GRIN3A: variants seen among roughly 807,000 people sequenced by gnomAD.
The protein encoded by GRIN3A is glutamate receptor ionotropic, NMDA 3A.
Under a neutral mutation model 92.4 loss-of-function variants are expected in GRIN3A, and 47 were observed. The observed-to-expected ratio is 0.51, with a 90% CI of 0.40 to 0.65. The LOEUF is 0.65. Ranked by LOEUF, GRIN3A falls within the 30% of genes least tolerant of loss-of-function variation. GRIN3A has a pLI of 0.00. For synonymous variants in GRIN3A, 527 were observed against 540.6 expected (o/e 0.97, Z 0.35); for missense variants, 1,324 against 1,393.1 (o/e 0.95, Z 0.79).
intron 1 of GRIN3A, among the ~76,000 whole-genome samples, chr9:101,720,052 A>G (rs1469855183): frequency 6.6e-6 from 1 of 152,068 alleles, no homozygotes; most frequent in Non-Finnish European, 1.5e-5. Context: ...CCGTTTGGGA[A>G]TTATGAAACC....
intron 1 of GRIN3A, among the ~76,000 whole-genome samples, chr9:101,699,042 A>G (rs1409689114): frequency 6.6e-6 from 1 of 152,354 alleles, no homozygotes; most frequent in East Asian, 1.9e-4. Context: ...CTAATTTTTA[A>G]AAAACCTTTT....
At chr9:101,580,581 C>A (rs1042273659) in intron 6 of GRIN3A, among the ~76,000 whole-genome samples, 4 of 152,054 alleles carry the variant, frequency 2.6e-5, no homozygotes, top group Admixed American at 2.6e-4. Context: ...ACATGGAAAT[C>A]ATCTAGTTCA....
At chr9:101,627,325 T>G (rs1828647078) in intron 4 of GRIN3A, among the ~76,000 whole-genome samples, 1 of 152,176 alleles carries the variant, frequency 6.6e-6, no homozygotes, top group South Asian at 2.1e-4. Flanking sequence ...TCCATAAAAT[T>G]TTTTAAGTGG....
chr9:101,712,170 A>G (rs1829886811), intron 1 of GRIN3A, among the ~76,000 whole-genome samples: 1 of 152,154 alleles, frequency 6.6e-6, no homozygotes, highest in African/African-American at 2.4e-5. Flanking sequence ...CCAACTACCT[A>G]ATTGACAAGT....
At position 101,579,264 on chromosome 9, in the gene GRIN3A, C is replaced by T. The variant is rs1182246600; in HGVS notation, c.2863G>A (p.Val955Ile). 5 of 1,613,992 alleles carry T rather than the reference C, an allele frequency of 3.1e-6. No individual in the cohort carries two copies. The highest frequency in any genetic ancestry group is 2.2e-5 in the East Asian group (1 of 44,882). Residue 955 changes from valine to isoleucine, a missense_variant, in exon 7 of 9, where the codon GTA (valine) becomes ATA (isoleucine). Physicochemically the swap from Val to Ile is conservative, Grantham distance 29. Coordinates refer to ENST00000361820, the MANE Select transcript of GRIN3A (RefSeq NM_133445.3). ...SILTTIGEHI[V>I]YRLLLPRIKN... is the part of the protein sequence containing the mutation. ...ATTCGTGGTAGCAGCAGCCTGTATA[C>T]TATGTGCTCACCAATGGTGGTCAAA...
At chr9:101,611,169 A>G (rs1280933600) in intron 6 of GRIN3A, among the ~76,000 whole-genome samples, 1 of 152,020 alleles carries the variant, frequency 6.6e-6, no homozygotes, top group Non-Finnish European at 1.5e-5. Flanking sequence ...TAGGAGGCCA[A>G]AAGTCTGAAA....
intron 1 of GRIN3A, among the ~76,000 whole-genome samples, chr9:101,708,455 C>T (rs182711293): frequency 1.3e-5 from 2 of 152,204 alleles, no homozygotes; most frequent in African/African-American, 4.8e-5. Flanking sequence ...TGTAGCATTG[C>T]TAAGCCATAG....
intron 2 of GRIN3A, among the ~76,000 whole-genome samples, chr9:101,677,441 A>T (rs1446538277): frequency 6.6e-6 from 1 of 151,838 alleles, no homozygotes; most frequent in Non-Finnish European, 1.5e-5. Flanking sequence ...AGAAATGCCA[A>T]TATTCTGTCT....
chr9:101,619,086 G>A (rs1169155365), intron 5 of GRIN3A, among the ~76,000 whole-genome samples: 1 of 152,030 alleles, frequency 6.6e-6, no homozygotes, highest in East Asian at 1.9e-4. Context: ...TAAGAGTGGT[G>A]GAAATATATT....
intron 1 of GRIN3A, among the ~76,000 whole-genome samples, chr9:101,728,256 TGTCCAAA>T (rs1830101453): frequency 6.6e-6 from 1 of 152,152 alleles, no homozygotes; most frequent in African/African-American, 2.4e-5. Flanking sequence ...TGAGGCCTTC[TGTCCAAA>T]AACACCCATA....
chr9:101,602,139 T>TG (rs1260959106), intron 6 of GRIN3A, among the ~76,000 whole-genome samples: 3 of 152,120 alleles, frequency 2.0e-5, no homozygotes, highest in Admixed American at 6.6e-5. Context: ...GCTCCAGGGC[T>TG]CTCTCATGAT....
At chr9:101,675,071 C>T (rs565721971) in intron 2 of GRIN3A, among the ~76,000 whole-genome samples, 3 of 152,090 alleles carry the variant, frequency 2.0e-5, no homozygotes, top group South Asian at 2.1e-4. Flanking sequence ...TAAGAGACCA[C>T]TTACAATATC....
At chr9:101,626,930 G>C (rs956738599) in intron 4 of GRIN3A, among the ~76,000 whole-genome samples, 2 of 152,218 alleles carry the variant, frequency 1.3e-5, no homozygotes, top group Admixed American at 1.3e-4. Context: ...CAGGGCCAGT[G>C]CTGGGCACGT....
chr9:101,726,102 A>G (rs7020326), intron 1 of GRIN3A, among the ~76,000 whole-genome samples: 18,187 of 152,194 alleles, frequency 0.12, 2,194 homozygotes, highest in African/African-American at 0.31. Context: ...TGAGCATGCA[A>G]CCTAAGAATC....
intron 1 of GRIN3A, among the ~76,000 whole-genome samples, chr9:101,736,989 T>C (rs1588303909): frequency 6.6e-6 from 1 of 152,100 alleles, no homozygotes; most frequent in Admixed American, 6.5e-5. Flanking sequence ...ATCTACTAGA[T>C]TTCTCCCAGC....
At chr9:101,621,421 G>T (rs1004217505) in intron 5 of GRIN3A, among the ~76,000 whole-genome samples, 1 of 152,044 alleles carries the variant, frequency 6.6e-6, no homozygotes, top group African/African-American at 2.4e-5. Context: ...TGTTTTTGGG[G>T]TATGAACTTA....
At chr9:101,609,147 T>C (rs1204131147) in intron 6 of GRIN3A, among the ~76,000 whole-genome samples, 1 of 152,242 alleles carries the variant, frequency 6.6e-6, no homozygotes, top group East Asian at 1.9e-4. Flanking sequence ...GAATGAATCA[T>C]GATTGGCCTA....
chr9:101,682,851 G>T (rs576446425), intron 2 of GRIN3A, among the ~76,000 whole-genome samples: 1 of 152,054 alleles, frequency 6.6e-6, no homozygotes, highest in African/African-American at 2.4e-5. Flanking sequence ...GCGTGGTGGC[G>T]GGCGCCTGTA....
chr9:101,679,340 C>T (rs1264841999), intron 2 of GRIN3A, among the ~76,000 whole-genome samples: 1 of 152,070 alleles, frequency 6.6e-6, no homozygotes, highest in Non-Finnish European at 1.5e-5. Context: ...GGAAGCTCTC[C>T]TAATTGGGAA....
Sources: allele counts gnomAD v4.1 joint callset (sites outside exome capture counted in the v4.1 genomes callset), GRCh38; gene constraint gnomAD v4.1.1; transcripts MANE v1.5; gene names NCBI Gene and HGNC (gene_info 2026-07-23, HGNC 2026-07-21).